TMCO5A: variants seen among roughly 807,000 people sequenced by gnomAD.
TMCO5A encodes the protein transmembrane and coiled-coil domains 5A.
A neutral mutation model predicts 42.3 loss-of-function variants in TMCO5A; 34 were observed. The ratio of observed to expected loss-of-function variants is 0.80; its 90% CI spans 0.61 to 1.07. The LOEUF (loss-of-function observed/expected upper bound fraction) is 1.07, where lower values mean the gene tolerates loss of function less well. Among genes scored for constraint, TMCO5A ranks in the 50% least tolerant of loss-of-function variants. The pLI, the probability that TMCO5A is intolerant of heterozygous loss-of-function variation, is 0.00. For synonymous variants in TMCO5A, 131 were observed against 115.6 expected, an observed-to-expected ratio of 1.13 and a Z score of -0.86; for missense variants, 357 against 327.9, an observed-to-expected ratio of 1.09 and a Z score of -0.69.
chr15:37,936,354 A>G lies in TMCO5A; in HGVS notation c.31A>G (p.Arg11Gly), dbSNP rs1188233278. Residue 11 changes from arginine (R) to glycine (G), a missense_variant, in exon 3 of 12, where the codon AGA (arginine) becomes GGA (glycine). Transcript: ENST00000319669. MEISRLAQSK[R>G]NIISLNMDLE... ...AATCTCAAGATTGGCTCAGTCAAAAAGAAACATTATCAGTTTGAACATGGA... is the reference window on the plus strand; with the variant it reads ...AATCTCAAGATTGGCTCAGTCAAAAGGAAACATTATCAGTTTGAACATGGA... The G allele has an allele frequency of 2.5e-6, 4 of 1,612,756 alleles. No homozygotes were observed. In the South Asian group the frequency reaches 3.3e-5, roughly 13 times the overall value.
chr15:37,960,626 T>C (rs1350064361), intron 11 of TMCO5A, among the ~76,000 whole-genome samples: 1 of 152,128 alleles, frequency 6.6e-6, no homozygotes, highest in Non-Finnish European at 1.5e-5. Context: ...ATAGTGTTTG[T>C]ACTAGTTTAC....
At position 37,937,329 on chromosome 15, in the gene TMCO5A, T is replaced by C; in HGVS notation, c.265-17T>C. 1 of 1,612,868 alleles carries C rather than the reference T, an allele frequency of 6.2e-7. No homozygotes were observed. Among genetic ancestry groups the C allele is most frequent in the Non-Finnish European group, 8.5e-7 (1 of 1,179,196 alleles). On this transcript the variant is annotated splice_polypyrimidine_tract_variant and intron_variant, in intron 4 of 11. Transcript: ENST00000319669. ...GGAGTACAGAGGCAGATTTACACTGTTATTTCTCTCTCACAGGAAAGGAAG... is the reference window on the plus strand; with the variant it reads ...GGAGTACAGAGGCAGATTTACACTGCTATTTCTCTCTCACAGGAAAGGAAG...
At chr15:37,962,798 T>C in intron 11 of TMCO5A, among the ~76,000 whole-genome samples, 1 of 152,154 alleles carries the variant, frequency 6.6e-6, no homozygotes, top group East Asian at 1.9e-4. Flanking sequence ...AATTTATCGG[T>C]CTCTTCTAGA....
At chr15:37,978,292 C>T in the TMCO5A span, among the ~76,000 whole-genome samples, 3 of 152,164 alleles carry the variant, frequency 2.0e-5, no homozygotes, top group Admixed American at 2.0e-4. Context: ...TTGTTCCTTC[C>T]CCAGTCCAAG....
downstream of TMCO5A, among the ~76,000 whole-genome samples, chr15:37,969,541 T>C (rs1890633508): frequency 6.6e-6 from 1 of 152,244 alleles, no homozygotes; most frequent in African/African-American, 2.4e-5. Context: ...TTCTGCTTTT[T>C]GTGTATAACT....
At chr15:38,032,925 TC>T in the TMCO5A span, among the ~76,000 whole-genome samples, 23 of 120,844 alleles carry the variant, frequency 1.9e-4, no homozygotes, top group African/African-American at 7.2e-4. Context: ...AAATTTGGTC[TC>T]TTTTTTTTTT....
chr15:37,941,211 A>C lies in TMCO5A; in HGVS notation c.444+6A>C, dbSNP rs751412850. The C allele has an allele frequency of 1.2e-6, 2 of 1,612,956 alleles. No individual in the cohort carries two copies. Among genetic ancestry groups the C allele is most frequent in the Non-Finnish European group, 8.5e-7 (1 of 1,179,388 alleles). The stretch of plus-strand genomic sequence containing the variant: ...AAGAGAAGGAGCTGCTCAAGGTAAC[A>C]GCAGGAACTTCAATGTGACTTCTCC... On this transcript the variant is annotated splice_donor_region_variant and intron_variant, in intron 7 of 11. Transcript: ENST00000319669.
chr15:37,963,427 A>G (rs1398731421), intron 11 of TMCO5A, among the ~76,000 whole-genome samples: 2 of 152,036 alleles, frequency 1.3e-5, no homozygotes, highest in African/African-American at 2.4e-5. Flanking sequence ...GCTTGATATA[A>G]TTTCAATTTT....
chr15:38,021,827 T>C, the TMCO5A span, among the ~76,000 whole-genome samples: 1 of 151,428 alleles, frequency 6.6e-6, no homozygotes, highest in Non-Finnish European at 1.5e-5. Context: ...TTTTTTTTTT[T>C]TGAGATGGAG....
chr15:38,037,613 G>A, the TMCO5A span, among the ~76,000 whole-genome samples: 139 of 152,338 alleles, frequency 9.1e-4, no homozygotes, highest in African/African-American at 3.1e-3. Flanking sequence ...AGGGGCTTCT[G>A]TTGCAGAACT....
At chr15:37,990,986 T>A in the TMCO5A span, among the ~76,000 whole-genome samples, 2 of 152,106 alleles carry the variant, frequency 1.3e-5, no homozygotes, top group Non-Finnish European at 2.9e-5. Context: ...CATAAATAAC[T>A]GTTTTATGCA....
chr15:38,040,014 A>C, the TMCO5A span: 1 of 152,238 alleles, frequency 6.6e-6, no homozygotes, highest in African/African-American at 2.4e-5. Flanking sequence ...CTGGAGCCTC[A>C]GCTCTTCACT....
intron 11 of TMCO5A, among the ~76,000 whole-genome samples, chr15:37,963,572 G>A (rs1890484763): frequency 6.6e-6 from 1 of 152,144 alleles, no homozygotes; most frequent in Admixed American, 6.6e-5. Context: ...AAGTCCATTT[G>A]TTCCAAGATA....
chr15:37,956,813 C>T (rs1444770235), intron 11 of TMCO5A: 1 of 152,094 alleles, frequency 6.6e-6, no homozygotes, highest in Non-Finnish European at 1.5e-5. Flanking sequence ...GCCAGTATCC[C>T]TAATGAACAT....
Position 37,951,415 on chromosome 15 carries a change from G to T in TMCO5A, c.*181G>T, listed in dbSNP as rs1890154666. 5.1e-6 allele frequency: 3 copies of T among 592,872 alleles called. No homozygotes were observed. The highest frequency in any genetic ancestry group is 3.2e-5 in the Admixed American group (1 of 31,556). The allele number at this position is 592,872 out of a possible 1,614,324, so 36.7% of individuals were successfully genotyped here. On this transcript the variant is annotated 3_prime_UTR_variant, in exon 12 of 12. Coordinates refer to ENST00000319669, the MANE Select transcript of TMCO5A (RefSeq NM_152453.4). The stretch of plus-strand genomic sequence containing the variant: ...TTAACCTTGACCAGTAAAAAGCTCT[G>T]TAATAGATTTATGTGGCTCTGTGGA...
the TMCO5A span, among the ~76,000 whole-genome samples, chr15:38,032,675 A>G: frequency 2.0e-5 from 3 of 152,292 alleles, no homozygotes; most frequent in Middle Eastern, 3.4e-3. Flanking sequence ...ATTCAGAGAC[A>G]GGCTACAGCA....
chr15:38,014,874 T>TAC, the TMCO5A span, among the ~76,000 whole-genome samples: 5 of 79,832 alleles, frequency 6.3e-5, no homozygotes, highest in Non-Finnish European at 1.4e-4. Flanking sequence ...TATATATATA[T>TAC]ATATATATAT....
the TMCO5A span, among the ~76,000 whole-genome samples, chr15:38,006,209 G>T: frequency 6.6e-6 from 1 of 152,226 alleles, no homozygotes; most frequent in Non-Finnish European, 1.5e-5. Context: ...ATGGCCTAGA[G>T]CCTTTATTGT....
intron 11 of TMCO5A, among the ~76,000 whole-genome samples, chr15:37,964,741 C>T (rs960544982): frequency 6.6e-6 from 1 of 151,900 alleles, no homozygotes; most frequent in African/African-American, 2.4e-5. Context: ...AAATGTAAAA[C>T]ACTGATGAAA....
Sources: gnomAD v4.1 joint callset for allele counts (sites outside exome capture counted in the v4.1 genomes callset) on GRCh38, gnomAD v4.1.1 for gene constraint, MANE v1.5 for transcripts, NCBI Gene and HGNC (gene_info 2026-07-23, HGNC 2026-07-21) for gene names.